Variants in KICS2 observed in about 807,000 individuals in gnomAD.
KICS2 encodes KICSTOR subunit 2.
Under a neutral mutation model 31.4 loss-of-function variants are expected in KICS2, and 13 were observed. That is an observed-to-expected ratio of 0.41 (90% CI 0.27 to 0.66). The LOEUF is 0.66. Among genes scored for constraint, KICS2 ranks in the 30% least tolerant of loss-of-function variants. The pLI is 0.28. For missense variants in KICS2, 455 were observed against 545.4 expected (o/e 0.83, Z 1.65); for synonymous variants, 209 against 214.8 (o/e 0.97, Z 0.24).
rs756936246 is a variant in KICS2, at chr12:64,221,854, G to A, written c.235+149C>T. 147 of 907,538 alleles carry A rather than the reference G, an allele frequency of 1.6e-4. 1 individual carries two copies. Among genetic ancestry groups the A allele is most frequent in the Middle Eastern group, 1.4e-3 (4 of 2,936 alleles). 56.2% of individuals were successfully genotyped at this position (907,538 alleles called of 1,614,324 possible). A position where few individuals can be genotyped will look rare whatever the true frequency, so the allele number is the denominator to read the frequency against. ...CGGGGCTTGTGGAAGCCCAGGGAAG[G>A]AAAGGAACGGTGGGAGGAGATCTGG... On this transcript the variant is annotated intron_variant, in intron 1 of 2. Transcript: ENST00000398055.
At chr12:64,206,892 G>A (rs980215869) in intron 2 of KICS2, among the ~76,000 whole-genome samples, 30 of 152,098 alleles carry the variant, frequency 2.0e-4, no homozygotes, top group Non-Finnish European at 1.8e-4. Context: ...TGGGAGGGGG[G>A]AAAATGTTGC....
In KICS2 at chr12:64,214,608, G is replaced by A. The variant is rs148310073; in HGVS notation, c.521+1070C>T. Among the ~76,000 whole-genome samples the A allele has an allele frequency of 2.6e-3, 402 of 152,262 alleles. 1 individual carries two copies. Among genetic ancestry groups the A allele is most frequent in the South Asian group, 4.8e-3 (23 of 4,818 alleles). On this transcript the variant is annotated intron_variant, in intron 2 of 2. Transcript: ENST00000398055. The stretch of plus-strand genomic sequence containing the variant: ...TTAAAAGCTCAACTCGGCTGGGCAT[G>A]GTGGCTCATACCTGTAATCCCAGCA...
In KICS2 at chr12:64,194,249, C is replaced by T. The variant is rs2037410134; in HGVS notation, c.931G>A (p.Ala311Thr). The T allele has an allele frequency of 6.2e-7, 1 of 1,614,194 alleles. No individual in the cohort carries two copies. The highest frequency in any genetic ancestry group is 8.5e-7 in the Non-Finnish European group (1 of 1,180,042). Reference sequence around the variant, plus strand: ...TTGTCAAAAATTAAGGACACATTGGCAGCATCATATTTTCTGATGAAGCTG... The same window carrying T: ...TTGTCAAAAATTAAGGACACATTGGTAGCATCATATTTTCTGATGAAGCTG... Reference protein sequence around the residue: ...ISSFIRKYDAANVSLIFDNRG... With the variant: ...ISSFIRKYDATNVSLIFDNRG... Residue 311 changes from alanine to threonine, a missense_variant, in exon 3 of 3, where the codon GCC becomes ACC. Physicochemically the swap from Ala to Thr is moderately conservative, Grantham distance 58. Coordinates refer to ENST00000398055, the MANE Select transcript of KICS2 (RefSeq NM_152440.5).
chr12:64,213,393 C>T (rs927529441), intron 2 of KICS2, among the ~76,000 whole-genome samples: 3 of 152,126 alleles, frequency 2.0e-5, no homozygotes, highest in South Asian at 2.1e-4. Context: ...CAGAGCTAAG[C>T]TGTATGACTC....
At chr12:64,210,588 C>A (rs2037574092) in intron 2 of KICS2, among the ~76,000 whole-genome samples, 3 of 152,038 alleles carry the variant, frequency 2.0e-5, no homozygotes, top group African/African-American at 7.3e-5. Context: ...CAAGCCTGGG[C>A]AATATAGTGA....
chr12:64,194,336 T>C lies in KICS2; in HGVS notation c.844A>G (p.Thr282Ala). The change falls in exon 3 of 3, where the codon ACT becomes GCT. Residue 282 changes from threonine (T) to alanine (A), a missense_variant. Thr to Ala is a moderately conservative substitution (Grantham distance 58). Transcript: ENST00000398055. ...GTCAACGTTTTCATTTCTGAAGCAG[T>C]CGTTTGTCGGCTCAGAGCCTCATGA... ...YFHEALSRQT[T>A]ASEMKTLTAK... 1.2e-6 allele frequency: 2 copies of C among 1,614,162 alleles called. No homozygotes were observed. Among genetic ancestry groups the C allele is most frequent in the South Asian group, 1.1e-5 (1 of 91,076 alleles).
At chr12:64,219,061 A>AT (rs2037655222) in intron 1 of KICS2, among the ~76,000 whole-genome samples, 1 of 152,178 alleles carries the variant, frequency 6.6e-6, no homozygotes, top group South Asian at 2.1e-4. Context: ...ACTTTGAATG[A>AT]TTTTTAGAAG....
chr12:64,205,795 A>AGGAAGGAAGGAAAAAG (rs1191521187), intron 2 of KICS2, among the ~76,000 whole-genome samples: 1 of 151,824 alleles, frequency 6.6e-6, no homozygotes, highest in Non-Finnish European at 1.5e-5. Flanking sequence ...GAAGGAAGGA[A>AGGAAGGAAGGAAAAAG]GGCAGGTTCG....
Position 64,193,772 on chromosome 12 carries a change from G to A in KICS2, c.*70C>T. The A allele has an allele frequency of 2.7e-6, 4 of 1,505,432 alleles. No individual in the cohort carries two copies. The highest frequency in any genetic ancestry group is 3.5e-6 in the Non-Finnish European group (4 of 1,128,444). The allele number at this position is 1,505,432 out of a possible 1,614,324, so 93.3% of individuals were successfully genotyped here. On this transcript the variant is annotated 3_prime_UTR_variant, in exon 3 of 3. Transcript: ENST00000398055. The stretch of plus-strand genomic sequence containing the variant: ...TGAATGGATGTAAACTCTATTCACA[G>A]ACCACCGTAGATCATTAGGGCAATT...
At chr12:64,211,948 T>C (rs35892030) in intron 2 of KICS2, among the ~76,000 whole-genome samples, 2,647 of 152,298 alleles carry the variant, frequency 0.017, 76 homozygotes, top group African/African-American at 0.061. Flanking sequence ...AAAACTGTGT[T>C]ATGATTATGT....
intron 2 of KICS2, among the ~76,000 whole-genome samples, chr12:64,205,688 AGAAGGAAGGAAAAAGGGAAGGAAG>A: frequency 8.1e-6 from 1 of 123,372 alleles, no homozygotes; most frequent in African/African-American, 2.9e-5. Flanking sequence ...GAAGGAAGGA[AGAAGGAAGGAAAAAGGGAAGGAAG>A]GAAGGGAGGG....
At chr12:64,187,733 T>C, downstream of KICS2, 1 of 1,172,354 alleles carries the variant, frequency 8.5e-7, no homozygotes, top group Non-Finnish European at 1.2e-6. Flanking sequence ...GCATGTTTTT[T>C]GTTTCTCACT....
intron 1 of KICS2, among the ~76,000 whole-genome samples, chr12:64,219,063 T>G (rs1364206025): frequency 6.6e-6 from 1 of 152,212 alleles, no homozygotes; most frequent in South Asian, 2.1e-4. Flanking sequence ...TTTGAATGAT[T>G]TTTAGAAGGC....
At chr12:64,211,184 A>T (rs1029500132) in intron 2 of KICS2, among the ~76,000 whole-genome samples, 1 of 152,254 alleles carries the variant, frequency 6.6e-6, no homozygotes, top group Non-Finnish European at 1.5e-5. Flanking sequence ...TCAAAAAACT[A>T]TGTTATTAAA....
chr12:64,207,728 A>C (rs2037551495), intron 2 of KICS2, among the ~76,000 whole-genome samples: 1 of 152,238 alleles, frequency 6.6e-6, no homozygotes. Flanking sequence ...AGTGTTAAGC[A>C]GAGCTACCCG....
In KICS2 at chr12:64,194,070, G is replaced by C; in HGVS notation, c.1110C>G (p.Asp370Glu). ...HWPNVIMIMTDRTSDLNSLEK... is the reference protein window; with the variant it reads ...HWPNVIMIMTERTSDLNSLEK... ...CCAAGCTGTTCAGATCAGATGTGCGGTCCGTCATGATCATGATGACATTGG... is the reference window on the plus strand; with the variant it reads ...CCAAGCTGTTCAGATCAGATGTGCGCTCCGTCATGATCATGATGACATTGG... Residue 370 changes from aspartate (D) to glutamate (E), a missense_variant, in exon 3 of 3, where the codon GAC (aspartate) becomes GAG (glutamate). By Grantham distance (45) the Asp-to-Glu change is conservative. Transcript: ENST00000398055. 6.2e-7 allele frequency: 1 copy of C among 1,614,110 alleles called. No individual in the cohort carries two copies. The highest frequency in any genetic ancestry group is 8.5e-7 in the Non-Finnish European group (1 of 1,180,026).
chr12:64,187,759 C>T (rs1026513616), downstream of KICS2: 3 of 873,574 alleles, frequency 3.4e-6, no homozygotes, highest in Non-Finnish European at 3.4e-6. Flanking sequence ...GAAAAAAAAT[C>T]TAGTTTTCTT....
At chr12:64,208,145 G>C (rs2037555976) in intron 2 of KICS2, among the ~76,000 whole-genome samples, 1 of 152,162 alleles carries the variant, frequency 6.6e-6, no homozygotes, top group Non-Finnish European at 1.5e-5. Context: ...AAGTACCTGG[G>C]ATTACAGGCA....
At position 64,222,292 on chromosome 12, in the gene KICS2, G is replaced by A; in HGVS notation, c.-55C>T. On this transcript the variant is annotated 5_prime_UTR_variant, in exon 1 of 3. Coordinates refer to ENST00000398055, the MANE Select transcript of KICS2 (RefSeq NM_152440.5). ...GCTCTCCTCGGCCTCGCACTTCCGG[G>A]TTCTGAGGGAACGGGCTTGCGCACA... The A allele has an allele frequency of 6.3e-7, 1 of 1,589,240 alleles. No homozygotes were observed. The highest frequency in any genetic ancestry group is 8.6e-7 in the Non-Finnish European group (1 of 1,167,936).
Sources: allele counts gnomAD v4.1 joint callset (sites outside exome capture counted in the v4.1 genomes callset), GRCh38; gene constraint gnomAD v4.1.1; transcripts MANE v1.5; gene names NCBI Gene and HGNC (gene_info 2026-07-23, HGNC 2026-07-21).